The following LIMS4 variants were observed in gnomAD, a reference collection of about 807,000 sequenced individuals.
LIMS4 encodes the protein LIM zinc finger domain containing 4, also known as LIM and senescent cell antigen-like-containing domain protein 4.
At chr2:110,371,650 T>G in the LIMS4 span, among the ~76,000 whole-genome samples, 1 of 139,368 alleles carries the variant, frequency 7.2e-6, no homozygotes, top group Non-Finnish European at 1.5e-5. Context: ...GGGAGATGAC[T>G]CATCAGAAAA....
chr2:110,367,195 T>A, the LIMS4 span, among the ~76,000 whole-genome samples: 1 of 150,076 alleles, frequency 6.7e-6, no homozygotes, highest in African/African-American at 2.5e-5. Context: ...AAACTACCAA[T>A]GTCATTTTTC....
At chr2:110,410,483 C>CA in the LIMS4 span, among the ~76,000 whole-genome samples, 280 of 14,752 alleles carry the variant, frequency 0.019, 2 homozygotes, top group Middle Eastern at 0.071. Flanking sequence ...GATTCCGTCT[C>CA]AAAAAAAAAA....
chr2:110,396,041 G>C, the LIMS4 span, among the ~76,000 whole-genome samples: 1 of 137,026 alleles, frequency 7.3e-6, no homozygotes, highest in Non-Finnish European at 1.5e-5. Context: ...AGATGGATGA[G>C]GGCGTAGCTA....
At chr2:110,365,874 A>C in the LIMS4 span, among the ~76,000 whole-genome samples, 4 of 147,202 alleles carry the variant, frequency 2.7e-5, no homozygotes, top group African/African-American at 5.3e-5. Context: ...GAAATACAAA[A>C]ACTCTGAGAC....
chr2:110,362,009 T>G, the LIMS4 span: 3 of 1,215,910 alleles, frequency 2.5e-6, 1 homozygote, highest in Admixed American at 6.2e-5. Context: ...CAGACAGTTC[T>G]TGGTGACGTG....
At chr2:110,390,263 G>A in the LIMS4 span, among the ~76,000 whole-genome samples, 1 of 142,426 alleles carries the variant, frequency 7.0e-6, no homozygotes, top group South Asian at 2.2e-4. Context: ...GAGCAGCAGA[G>A]CATGGACCAC....
the LIMS4 span, among the ~76,000 whole-genome samples, chr2:110,419,484 CA>C: frequency 8.3e-4 from 38 of 45,732 alleles, no homozygotes; most frequent in Non-Finnish European, 1.4e-3. Context: ...ACTAAAAATA[CA>C]AAAAATTAGC....
chr2:110,425,165 G>T, the LIMS4 span, among the ~76,000 whole-genome samples: 2 of 143,578 alleles, frequency 1.4e-5, no homozygotes, highest in Non-Finnish European at 3.0e-5. Context: ...CCAGACACAA[G>T]AGGATTGTTC....
the LIMS4 span, among the ~76,000 whole-genome samples, chr2:110,382,096 AAAATATATATATAT>A: frequency 5.5e-5 from 4 of 73,150 alleles, no homozygotes; most frequent in Non-Finnish European, 9.1e-5. Context: ...AAAAAAAAAA[AAAATATATATATAT>A]ATATATATAT....
chr2:110,392,137 A>G, the LIMS4 span, among the ~76,000 whole-genome samples: 9 of 152,208 alleles, frequency 5.9e-5, no homozygotes, highest in South Asian at 1.0e-3. Flanking sequence ...ATACCAGAAA[A>G]TTAGAAAAAG....
At chr2:110,423,059 GCAAGAAAATAGAT>G in the LIMS4 span, among the ~76,000 whole-genome samples, 1 of 148,674 alleles carries the variant, frequency 6.7e-6, no homozygotes, top group South Asian at 2.1e-4. Context: ...CTTGTCCAGT[GCAAGAAAATAGAT>G]CAAGAAGGGT....
the LIMS4 span, chr2:110,375,237 A>T: frequency 8.4e-6 from 1 of 119,430 alleles, no homozygotes; most frequent in Non-Finnish European, 1.7e-5. Flanking sequence ...GAACAAATGA[A>T]TTCCCCTTCC....
At chr2:110,379,188 T>C in the LIMS4 span, among the ~76,000 whole-genome samples, 1 of 151,762 alleles carries the variant, frequency 6.6e-6, no homozygotes, top group Non-Finnish European at 1.5e-5. Context: ...GTTTGATCGG[T>C]TACTTGGTTG....
chr2:110,424,234 C>A, the LIMS4 span: 1 of 21,894 alleles, frequency 4.6e-5, no homozygotes, highest in African/African-American at 1.9e-4. Flanking sequence ...TCCTAGGGGA[C>A]CCCCCAGGAG....
chr2:110,392,221 C>T, the LIMS4 span, among the ~76,000 whole-genome samples: 1 of 151,534 alleles, frequency 6.6e-6, no homozygotes, highest in Non-Finnish European at 1.5e-5. Context: ...GGAAACTGTG[C>T]CAGTGTCTGG....
the LIMS4 span, among the ~76,000 whole-genome samples, chr2:110,432,890 G>C: frequency 2.1e-5 from 3 of 140,518 alleles, no homozygotes; most frequent in African/African-American, 8.0e-5. Flanking sequence ...CCCTTAATAC[G>C]AGCTCTCGCC....
At chr2:110,385,178 A>C in the LIMS4 span, among the ~76,000 whole-genome samples, 1 of 150,204 alleles carries the variant, frequency 6.7e-6, no homozygotes, top group Non-Finnish European at 1.5e-5. Flanking sequence ...AATAAATAGA[A>C]GCTCCAGTTC....
chr2:110,418,705 G>C, the LIMS4 span, among the ~76,000 whole-genome samples: 1 of 61,898 alleles, frequency 1.6e-5, no homozygotes, highest in East Asian at 4.1e-4. Flanking sequence ...GCCCAGGCTA[G>C]AGTGCAGTGG....
the LIMS4 span, among the ~76,000 whole-genome samples, chr2:110,425,036 G>C: frequency 2.1e-5 from 3 of 143,106 alleles, 1 homozygote; most frequent in Non-Finnish European, 4.5e-5. Context: ...TATTCTTTCT[G>C]TTTTCACAAT....
Sources: allele counts gnomAD v4.1 joint callset (sites outside exome capture counted in the v4.1 genomes callset), GRCh38; gene constraint gnomAD v4.1.1; transcripts MANE v1.5; gene names NCBI Gene and HGNC (gene_info 2026-07-23, HGNC 2026-07-21).